The following GRAMD1B variants were observed in gnomAD, a reference collection of about 807,000 sequenced individuals.
GRAMD1B encodes the protein protein Aster-B.
A neutral mutation model predicts 99.7 loss-of-function variants in GRAMD1B; 37 were observed. The observed-to-expected ratio is 0.37, with a 90% confidence interval of 0.29 to 0.49. The LOEUF (loss-of-function observed/expected upper bound fraction) is 0.49, where lower values mean the gene tolerates loss of function less well. Ranked by LOEUF, GRAMD1B falls within the 20% of genes least tolerant of loss-of-function variation. The pLI, the probability that GRAMD1B is intolerant of heterozygous loss-of-function variation, is 0.98. For missense variants in GRAMD1B, 888 were observed against 1,009.2 expected, an observed-to-expected ratio of 0.88 and a Z score of 1.63; for synonymous variants, 427 against 387.6, an observed-to-expected ratio of 1.10 and a Z score of -1.19.
At chr11:123,507,614 A>G (rs1431397881) in intron 2 of GRAMD1B, among the ~76,000 whole-genome samples, 1 of 152,250 alleles carries the variant, frequency 6.6e-6, no homozygotes, top group African/African-American at 2.4e-5. Context: ...TAAGGTGAAC[A>G]TGAGTAAATT....
At chr11:123,379,038 G>A (rs1452830319) in intron 1 of GRAMD1B, among the ~76,000 whole-genome samples, 2 of 152,178 alleles carry the variant, frequency 1.3e-5, no homozygotes, top group South Asian at 4.1e-4. Context: ...GAGGAACAAG[G>A]GAAGATGGAG....
At chr11:123,529,911 A>G (rs1020992728) in intron 2 of GRAMD1B, among the ~76,000 whole-genome samples, 3 of 152,074 alleles carry the variant, frequency 2.0e-5, no homozygotes, top group Admixed American at 6.5e-5. Context: ...GGGCTTGGTA[A>G]TGCCGTCTCC....
At position 123,568,324 on chromosome 11, in the gene GRAMD1B, C is replaced by T. The variant is rs556868139; in HGVS notation, c.453-9043C>T. On this transcript the variant is annotated intron_variant, in intron 2 of 19. Transcript: ENST00000635736. ...TGGCCCACAGTAGCTGGTTCATGAG[C>T]CTGGAGAATTGTCAGGCTTCCATTT... 7.1e-4 allele frequency among the ~76,000 whole-genome samples: 108 copies of T among 152,302 alleles called. 1 individual carries two copies. The highest frequency in any genetic ancestry group is 2.6e-3 in the African/African-American group (107 of 41,558).
At chr11:123,382,701 C>T (rs560185213) in intron 1 of GRAMD1B, among the ~76,000 whole-genome samples, 45 of 152,110 alleles carry the variant, frequency 3.0e-4, no homozygotes, top group African/African-American at 9.9e-4. Flanking sequence ...ATGGCACACT[C>T]GGATAGGGTA....
chr11:123,393,576 G>A (rs981579662), intron 1 of GRAMD1B, among the ~76,000 whole-genome samples: 9 of 152,196 alleles, frequency 5.9e-5, no homozygotes, highest in South Asian at 2.1e-4. Context: ...GTTTCTCACC[G>A]CGTGCATCTT....
intron 2 of GRAMD1B, among the ~76,000 whole-genome samples, chr11:123,486,897 T>G (rs1407887915): frequency 1.3e-5 from 2 of 151,998 alleles, no homozygotes; most frequent in Non-Finnish European, 2.9e-5. Flanking sequence ...GGCAAAACCC[T>G]GTCTCTACTA....
At chr11:123,431,939 C>G (rs1948913345) in intron 1 of GRAMD1B, 3 of 396,208 alleles carry the variant, frequency 7.6e-6, no homozygotes, top group East Asian at 7.1e-5. Context: ...TGAGCCAAGC[C>G]CCTTGCCTGG....
chr11:123,437,004 T>C (rs1324940268), intron 1 of GRAMD1B, among the ~76,000 whole-genome samples: 1 of 152,166 alleles, frequency 6.6e-6, no homozygotes, highest in Non-Finnish European at 1.5e-5. Flanking sequence ...ACATGCGGTG[T>C]TTGGTTTTTT....
chr11:123,560,713 TGTGTGTGTGTG>T (rs1308767464), intron 2 of GRAMD1B: 4 of 454,274 alleles, frequency 8.8e-6, no homozygotes, highest in African/African-American at 8.0e-5. Flanking sequence ...TGTGTGTGTG[TGTGTGTGTGTG>T]TGTGTGTGTG....
intron 1 of GRAMD1B, among the ~76,000 whole-genome samples, chr11:123,462,560 C>G (rs1228618763): frequency 6.6e-6 from 1 of 152,194 alleles, no homozygotes; most frequent in East Asian, 1.9e-4. Context: ...ATCCCTGCCA[C>G]CCACCCCTTC....
intron 2 of GRAMD1B, chr11:123,526,281 G>T: frequency 1.1e-6 from 1 of 926,524 alleles, no homozygotes; most frequent in East Asian, 2.6e-5. Flanking sequence ...ACCAGGCATC[G>T]AGGGGTTAAG....
At chr11:123,414,952 A>G (rs1368346823) in intron 1 of GRAMD1B, among the ~76,000 whole-genome samples, 2 of 152,090 alleles carry the variant, frequency 1.3e-5, no homozygotes. Flanking sequence ...ACCTACACAC[A>G]TGCCCTTTGA....
intron 2 of GRAMD1B, among the ~76,000 whole-genome samples, chr11:123,530,585 TG>T (rs1185986333): frequency 2.0e-5 from 3 of 152,318 alleles, no homozygotes; most frequent in East Asian, 1.9e-4. Flanking sequence ...TTCACCATGT[TG>T]GCCAGGCTGG....
rs532459687 is a variant in GRAMD1B, at chr11:123,480,020, A to G, written c.375-796A>G. Among the ~76,000 whole-genome samples the G allele has an allele frequency of 1.5e-4, 23 of 152,260 alleles. No homozygotes were observed. In the South Asian group the frequency reaches 4.2e-3, roughly 28 times the overall value. On this transcript the variant is annotated intron_variant, in intron 1 of 19. Coordinates refer to ENST00000635736, the MANE Select transcript of GRAMD1B (RefSeq NM_001387025.1). ...ATGGCTGGAGTATTTAATAATAATT[A>G]ATAAAAATGATTTGTTCATCAGCTA...
chr11:123,585,804 A>G (rs1221020179), intron 4 of GRAMD1B, among the ~76,000 whole-genome samples: 1 of 152,108 alleles, frequency 6.6e-6, no homozygotes, highest in East Asian at 1.9e-4. Flanking sequence ...TAGTTCAGAC[A>G]TCTCCGTTTG....
intron 2 of GRAMD1B, among the ~76,000 whole-genome samples, chr11:123,517,619 G>A (rs913760067): frequency 4.0e-5 from 6 of 151,430 alleles, no homozygotes; most frequent in Admixed American, 2.6e-4. Flanking sequence ...TTCTAGAATC[G>A]CGGTGCTAAA....
chr11:123,384,882 T>G (rs987790799), intron 1 of GRAMD1B, among the ~76,000 whole-genome samples: 83 of 152,292 alleles, frequency 5.5e-4, no homozygotes, highest in African/African-American at 1.9e-3. Flanking sequence ...GCTCTGCCAC[T>G]GTAAAGCAAA....
At chr11:123,487,983 G>A (rs1276939028) in intron 2 of GRAMD1B, among the ~76,000 whole-genome samples, 2 of 152,198 alleles carry the variant, frequency 1.3e-5, no homozygotes, top group South Asian at 2.1e-4. Context: ...CATAGACTGG[G>A]TGTCTTGTAC....
In GRAMD1B at chr11:123,581,267, T is replaced by C. The variant is rs187081874; in HGVS notation, c.664-3045T>C. ...TCCTCTTTGGCCAAATCCATGTGTTTATAAGCTGTCAGAGAAGGCTCCACT... is the reference window on the plus strand; with the variant it reads ...TCCTCTTTGGCCAAATCCATGTGTTCATAAGCTGTCAGAGAAGGCTCCACT... On this transcript the variant is annotated intron_variant, in intron 3 of 19. Transcript: ENST00000635736. Among the ~76,000 whole-genome samples the C allele has an allele frequency of 1.6e-3, 251 of 152,330 alleles. 1 individual carries two copies. The highest frequency in any genetic ancestry group is 3.3e-3 in the South Asian group (16 of 4,828).
Sources: gnomAD v4.1 joint callset for allele counts (sites outside exome capture counted in the v4.1 genomes callset) on GRCh38, gnomAD v4.1.1 for gene constraint, MANE v1.5 for transcripts, NCBI Gene and HGNC (gene_info 2026-07-23, HGNC 2026-07-21) for gene names.